The following AHI1 variants were observed in gnomAD, a reference collection of about 807,000 sequenced individuals.
AHI1 encodes Abelson helper integration site 1.
Under a neutral mutation model 149.3 loss-of-function variants are expected in AHI1, and 123 were observed. The observed-to-expected ratio is 0.82, with a 90% CI of 0.71 to 0.96. The LOEUF (loss-of-function observed/expected upper bound fraction) is 0.96, where lower values mean the gene tolerates loss of function less well. AHI1 is among the 40% of genes least tolerant of loss of function. AHI1 has a pLI of 0.00. For missense variants in AHI1, 1,439 were observed against 1,422.7 expected (o/e 1.01, Z -0.18); for synonymous variants, 475 against 459.8 (o/e 1.03, Z -0.42).
chr6:135,338,162 T>C (rs2128407388), intron 24 of AHI1, among the ~76,000 whole-genome samples: 1 of 151,752 alleles, frequency 6.6e-6, no homozygotes, highest in Non-Finnish European at 1.5e-5. Flanking sequence ...TTAGCCGGCA[T>C]GGTGGCGCAC....
intron 24 of AHI1, among the ~76,000 whole-genome samples, chr6:135,357,310 C>T (rs1793146125): frequency 6.6e-6 from 1 of 152,176 alleles, no homozygotes; most frequent in African/African-American, 2.4e-5. Context: ...CCTCCAAAAT[C>T]TGAAACTTTA....
At chr6:135,473,933 C>T (rs1441065481) in intron 5 of AHI1, among the ~76,000 whole-genome samples, 10 of 152,208 alleles carry the variant, frequency 6.6e-5, no homozygotes, top group East Asian at 5.8e-4. Context: ...TGCATAAACA[C>T]GCATTCAGTA....
intron 26 of AHI1, among the ~76,000 whole-genome samples, chr6:135,311,020 G>A (rs1020441462): frequency 2.6e-5 from 4 of 152,130 alleles, no homozygotes; most frequent in African/African-American, 9.6e-5. Context: ...TAAGAAAAGA[G>A]GCCAGGAGTG....
chr6:135,349,079 G>A (rs971283748), intron 24 of AHI1, among the ~76,000 whole-genome samples: 1 of 152,056 alleles, frequency 6.6e-6, no homozygotes, highest in East Asian at 1.9e-4. Flanking sequence ...TGAACTCCTG[G>A]GCTCAAGTGA....
intron 23 of AHI1, among the ~76,000 whole-genome samples, chr6:135,388,648 T>C (rs992108942): frequency 3.3e-5 from 5 of 152,188 alleles, no homozygotes; most frequent in African/African-American, 1.2e-4. Context: ...GAACAATGAC[T>C]CTCAATTTTA....
At chr6:135,471,809 G>A (rs373098996) in intron 5 of AHI1, among the ~76,000 whole-genome samples, 8 of 151,052 alleles carry the variant, frequency 5.3e-5, no homozygotes, top group South Asian at 4.2e-4. Context: ...TCAGGAGATC[G>A]AGACCATCCT....
At chr6:135,296,202 T>C (rs1783071536) in intron 27 of AHI1, among the ~76,000 whole-genome samples, 2 of 152,220 alleles carry the variant, frequency 1.3e-5, no homozygotes, top group South Asian at 2.1e-4. Context: ...TAGAAATATA[T>C]ATGCATACAT....
chr6:135,324,296 T>C (rs1444437573), intron 24 of AHI1, among the ~76,000 whole-genome samples: 2 of 151,936 alleles, frequency 1.3e-5, no homozygotes, highest in Admixed American at 6.6e-5. Context: ...CTACTACACT[T>C]CAGCCTGGGT....
chr6:135,396,805 A>G (rs1159009882), intron 22 of AHI1, among the ~76,000 whole-genome samples: 1 of 151,762 alleles, frequency 6.6e-6, no homozygotes, highest in Non-Finnish European at 1.5e-5. Context: ...ATATACACAC[A>G]CATCTTTGCA....
At chr6:135,490,163 T>C (rs1349332888) in intron 5 of AHI1, 2 of 720,240 alleles carry the variant, frequency 2.8e-6, no homozygotes, top group Admixed American at 4.0e-5. Flanking sequence ...TTCTATCATT[T>C]GAAAGTGTGC....
rs1004171009 is a variant in AHI1 at position 135,340,399 on chromosome 6, C to CA, written c.3166-17076dup. On this transcript the variant is annotated intron_variant, in intron 24 of 28. Transcript: ENST00000265602. ...AAACAAAAACCAAAACAAAAACAAA[C>CA]AAAAAAAAAAGGAAGGATAAGCAGT... 3.5e-3 allele frequency among the ~76,000 whole-genome samples: 459 copies of CA among 130,984 alleles called. 4 individuals carry two copies. The highest frequency in any genetic ancestry group is 0.01 in the African/African-American group (367 of 36,010). The allele number at this position is 130,984 out of a possible 152,430, so 85.9% of individuals were successfully genotyped here.
intron 15 of AHI1, among the ~76,000 whole-genome samples, chr6:135,433,812 T>A (rs1053275090): frequency 2.6e-5 from 4 of 152,140 alleles, no homozygotes; most frequent in African/African-American, 9.6e-5. Flanking sequence ...AAAATAAGAT[T>A]AAAATAATTA....
intron 24 of AHI1, among the ~76,000 whole-genome samples, chr6:135,337,535 GA>G (rs1389964423): frequency 6.6e-6 from 1 of 151,848 alleles, no homozygotes; most frequent in Non-Finnish European, 1.5e-5. Context: ...AAGGAGGGAG[GA>G]TCACCTGAGC....
chr6:135,455,516 G>C lies in AHI1; in HGVS notation c.1344+218C>G, dbSNP rs117675291. On this transcript the variant is annotated intron_variant, in intron 10 of 28. Coordinates refer to ENST00000265602, the MANE Select transcript of AHI1 (RefSeq NM_001134831.2). Reference sequence around the variant, plus strand: ...GTAATTATTAAATTATACAAAGTAGGCCAAATGGTTAAATAGTAAACACTC... The same window carrying C: ...GTAATTATTAAATTATACAAAGTAGCCCAAATGGTTAAATAGTAAACACTC... 0.016 allele frequency among the ~76,000 whole-genome samples: 2,477 copies of C among 152,250 alleles called. 35 individuals carry two copies. The highest frequency in any genetic ancestry group is 0.026 in the Non-Finnish European group (1,737 of 68,008).
At chr6:135,348,786 A>T (rs1456844665) in intron 24 of AHI1, among the ~76,000 whole-genome samples, 1 of 152,220 alleles carries the variant, frequency 6.6e-6, no homozygotes, top group Non-Finnish European at 1.5e-5. Flanking sequence ...TATGAAATTC[A>T]GTAAAAAGAA....
At chr6:135,385,740 A>G (rs1052510420) in intron 23 of AHI1, among the ~76,000 whole-genome samples, 2 of 152,210 alleles carry the variant, frequency 1.3e-5, no homozygotes, top group Non-Finnish European at 2.9e-5. Flanking sequence ...TACAATACGT[A>G]AGCTAAACAG....
At chr6:135,471,168 C>T (rs889238044) in intron 5 of AHI1, among the ~76,000 whole-genome samples, 1 of 152,072 alleles carries the variant, frequency 6.6e-6, no homozygotes, top group African/African-American at 2.4e-5. Context: ...GATTTATGGT[C>T]TCAAGGAAAA....
chr6:135,334,898 G>A (rs1196442350), intron 24 of AHI1, among the ~76,000 whole-genome samples: 2 of 152,188 alleles, frequency 1.3e-5, no homozygotes, highest in Non-Finnish European at 1.5e-5. Flanking sequence ...TCCAAATCAA[G>A]TGCATCATAA....
At chr6:135,443,941 G>A (rs12111441) in intron 13 of AHI1, among the ~76,000 whole-genome samples, 5,153 of 152,208 alleles carry the variant, frequency 0.034, 139 homozygotes, top group African/African-American at 0.069. Flanking sequence ...AGTAGGAAGT[G>A]TAATTAAGGA....
Sources: allele counts gnomAD v4.1 joint callset (sites outside exome capture counted in the v4.1 genomes callset), GRCh38; gene constraint gnomAD v4.1.1; transcripts MANE v1.5; gene names NCBI Gene and HGNC (gene_info 2026-07-23, HGNC 2026-07-21).